Variants in RPL32 observed in about 807,000 individuals in gnomAD.
The protein encoded by RPL32 is large ribosomal subunit protein eL32.
For missense variants in RPL32, 117 were observed against 173.7 expected (o/e 0.67, Z 1.83); for synonymous variants, 61 against 62.6 (o/e 0.98, Z 0.12).
At position 12,839,456 on chromosome 3, in the gene RPL32, G is replaced by A. The variant is rs1467315749; in HGVS notation, c.171C>T (p.Asn57=). The change falls in exon 3 of 4, where the codon AAC becomes AAT. Residue 57 remains asparagine, a synonymous_variant. Transcript: ENST00000429711. ...TTTTTTTGTTGCTTCCATAACCAAT[G>A]TTGGGCATCAAGATCTGGCCCTTGA... ...RRFKGQILMP[N]IGYGSNKKTK... is the part of the protein sequence containing the mutation. The A allele has an allele frequency of 6.2e-7, 1 of 1,614,062 alleles. No homozygotes were observed. The highest frequency in any genetic ancestry group is 1.7e-5 in the Admixed American group (1 of 60,000).
At chr3:12,840,429 C>G in intron 1 of RPL32, 187 bp from the exon 2 acceptor site, 2 of 719,268 alleles carry the variant, frequency 2.8e-6, no homozygotes, top group Non-Finnish European at 5.2e-6. Context: ...TAGGCACTCT[C>G]CAGATGCGAT....
Position 12,835,111 on chromosome 3 carries a change from CA to C in RPL32, c.*982del, listed in dbSNP as rs1281493783. ...AAACATCCTGTAAGCATTTCTGTCT[CA>C]TAAGTACCACATCCCATATCCCTCA... On this transcript the variant is annotated 3_prime_UTR_variant, in exon 4 of 4. Coordinates refer to ENST00000429711, the MANE Select transcript of RPL32 (RefSeq NM_000994.4). 6.6e-6 allele frequency: 1 copy of C among 152,218 alleles called. No homozygotes were observed. Among genetic ancestry groups the C allele is most frequent in the Non-Finnish European group, 1.5e-5 (1 of 68,054 alleles). 9.4% of individuals were successfully genotyped at this position (152,218 alleles called of 1,614,324 possible).
intron 1 of RPL32, 60 bp from the exon 2 acceptor site, chr3:12,840,302 AG>A (rs767846556): frequency 3.4e-5 from 42 of 1,222,268 alleles, no homozygotes; most frequent in Non-Finnish European, 4.8e-5. Flanking sequence ...TTTCCTGCCC[AG>A]GGACTGAACA....
intron 3 of RPL32, 27 bp from the exon 4 acceptor site, chr3:12,836,250 G>A (rs758149764): frequency 4.4e-6 from 7 of 1,599,186 alleles, no homozygotes; most frequent in Admixed American, 1.7e-5. Context: ...TAGGTAAGGA[G>A]CAAGACAGCC....
At position 12,835,514 on chromosome 3, in the gene RPL32, TG is replaced by T. The variant is rs950579836; in HGVS notation, c.*579del. 6.5e-6 allele frequency: 1 copy of T among 153,116 alleles called. No individual in the cohort carries two copies. Among genetic ancestry groups the T allele is most frequent in the African/African-American group, 2.4e-5 (1 of 41,466 alleles). 9.5% of individuals were successfully genotyped at this position (153,116 alleles called of 1,614,324 possible). On this transcript the variant is annotated 3_prime_UTR_variant, in exon 4 of 4. Transcript: ENST00000429711. ...TGGCAAACTGCTGTAACATTATACC[TG>T]AAGCAGCAGCTGGTGGGAGGGTTAT...
intron 3 of RPL32, among the ~76,000 whole-genome samples, chr3:12,838,107 ATC>A (rs1559563878): frequency 6.6e-6 from 1 of 152,230 alleles, no homozygotes; most frequent in Non-Finnish European, 1.5e-5. Flanking sequence ...GAGCCTGTCT[ATC>A]TCTAAAATCA....
chr3:12,839,262 C>T, intron 3 of RPL32, 87 bp downstream of exon 3: 1 of 1,280,412 alleles, frequency 7.8e-7, no homozygotes, highest in Non-Finnish European at 1.1e-6. Context: ...CAAAATGCAT[C>T]CCAAGAGTTT....
Position 12,840,122 on chromosome 3 carries a change from T to C in RPL32, c.96+20A>G, listed in dbSNP as rs1575790463. ...CTCTTTTCTTCACCCCACACCCATT[T>C]CCATCCCAGGACCACATACCTTAAT... On this transcript the variant is annotated intron_variant, in intron 2 of 3. Transcript: ENST00000429711. 2 of 1,587,998 alleles carry C rather than the reference T, an allele frequency of 1.3e-6. No individual in the cohort carries two copies. Among genetic ancestry groups the C allele is most frequent in the East Asian group, 4.5e-5 (2 of 44,768 alleles).
In RPL32 at chr3:12,840,069, A is replaced by G. The variant is rs910606629; in HGVS notation, c.96+73T>C. ...AGTTCATCGGTCAAAGATAATCCTG[A>G]CTAGGTGATGTCAGAAACTGTTGGA... On this transcript the variant is annotated intron_variant, in intron 2 of 3. Transcript: ENST00000429711. 3.5e-5 allele frequency: 41 copies of G among 1,171,018 alleles called. No individual in the cohort carries two copies. In the African/African-American group the frequency reaches 6.3e-4, roughly 18 times the overall value. 72.5% of individuals were successfully genotyped at this position (1,171,018 alleles called of 1,614,324 possible).
At chr3:12,840,072 A>G in intron 2 of RPL32, 70 bp downstream of exon 2, 1 of 1,126,700 alleles carries the variant, frequency 8.9e-7, no homozygotes, top group Admixed American at 1.7e-5. Context: ...AATCCTGACT[A>G]GGTGATGTCA....
rs1037671904 is a variant in RPL32 at position 12,834,698 on chromosome 3, G to C, written c.*1396C>G. On this transcript the variant is annotated 3_prime_UTR_variant, in exon 4 of 4. Coordinates refer to ENST00000429711, the MANE Select transcript of RPL32 (RefSeq NM_000994.4). ...GTTGGTTTGTTTCCTTCTGAGGAAGGTTTCAAATGTGTCTAGTGTTCAGTA... is the reference window on the plus strand; with the variant it reads ...GTTGGTTTGTTTCCTTCTGAGGAAGCTTTCAAATGTGTCTAGTGTTCAGTA... The C allele has an allele frequency of 6.6e-6, 1 of 152,362 alleles. No individual in the cohort carries two copies. The highest frequency in any genetic ancestry group is 2.4e-5 in the African/African-American group (1 of 41,464). 9.4% of individuals were successfully genotyped at this position (152,362 alleles called of 1,614,324 possible).
intron 1 of RPL32, chr3:12,840,677 C>T (rs973469670): frequency 6.2e-5 from 23 of 369,458 alleles, no homozygotes; most frequent in African/African-American, 4.2e-4. Context: ...GCCTGCAGTG[C>T]CTGTCACAGG....
intron 1 of RPL32, chr3:12,840,778 A>C: frequency 3.6e-6 from 1 of 279,696 alleles, no homozygotes; most frequent in Non-Finnish European, 7.2e-6. Flanking sequence ...ACCTCTGAAG[A>C]TGCCTCAAAC....
In RPL32 at chr3:12,836,057, TAC is replaced by T. The variant is rs1293528816; in HGVS notation, c.*35_*36del. ...AAGGAAGATGCCAGATGGCAGTTTTTACATTTATTTAAACAGAAAACGTGCAC... is the reference window on the plus strand; with the variant it reads ...AAGGAAGATGCCAGATGGCAGTTTTTATTTATTTAAACAGAAAACGTGCAC... On this transcript the variant is annotated 3_prime_UTR_variant, in exon 4 of 4. Coordinates refer to ENST00000429711, the MANE Select transcript of RPL32 (RefSeq NM_000994.4). 1.9e-6 allele frequency: 3 copies of T among 1,604,116 alleles called. No individual in the cohort carries two copies. The highest frequency in any genetic ancestry group is 2.5e-6 in the Non-Finnish European group (3 of 1,176,598).
At position 12,834,636 on chromosome 3, in the gene RPL32, A is replaced by G. The variant is rs2062084694; in HGVS notation, c.*1458T>C. The G allele has an allele frequency of 2.0e-5, 3 of 152,584 alleles. No homozygotes were observed. The highest frequency in any genetic ancestry group is 7.2e-5 in the African/African-American group (3 of 41,454). 9.5% of individuals were successfully genotyped at this position (152,584 alleles called of 1,614,324 possible). ...AATACTTATTAGCAAATTGGGCAACAATGGGCATCTTCCATGCCACCACCC... is the reference window on the plus strand; with the variant it reads ...AATACTTATTAGCAAATTGGGCAACGATGGGCATCTTCCATGCCACCACCC... On this transcript the variant is annotated 3_prime_UTR_variant, in exon 4 of 4. Coordinates refer to ENST00000429711, the MANE Select transcript of RPL32 (RefSeq NM_000994.4).
intron 3 of RPL32, among the ~76,000 whole-genome samples, chr3:12,838,391 G>A (rs970075982): frequency 6.6e-5 from 10 of 152,326 alleles, no homozygotes; most frequent in African/African-American, 2.4e-4. Context: ...CGGCAAGAGA[G>A]CAAGACTTCA....
chr3:12,836,330 G>T, intron 3 of RPL32, 107 bp from the exon 4 acceptor site: 1 of 1,379,262 alleles, frequency 7.3e-7, no homozygotes, highest in Non-Finnish European at 1.0e-6. Flanking sequence ...AGGGCTGCTT[G>T]GTAAGTGGCT....
chr3:12,841,134 T>C (rs2062149415), intron 1 of RPL32: 1 of 152,560 alleles, frequency 6.6e-6, no homozygotes, highest in East Asian at 1.9e-4. Context: ...CGAATACACG[T>C]GGGCCGACAT....
At chr3:12,840,779 T>G in intron 1 of RPL32, 1 of 281,162 alleles carries the variant, frequency 3.6e-6, no homozygotes, top group Non-Finnish European at 7.2e-6. Context: ...CCTCTGAAGA[T>G]GCCTCAAACC....
Sources: gnomAD v4.1 joint callset for allele counts (sites outside exome capture counted in the v4.1 genomes callset) on GRCh38, gnomAD v4.1.1 for gene constraint, MANE v1.5 for transcripts, NCBI Gene and HGNC (gene_info 2026-07-23, HGNC 2026-07-21) for gene names.